Variants in ATAD2B observed in about 807,000 individuals in gnomAD.
The protein encoded by ATAD2B is ATPase family AAA domain containing 2B, also known as ATPase family AAA domain-containing protein 2B.
In ATAD2B, 40 loss-of-function variants were observed where a neutral mutation model predicts 167.6. The ratio of observed to expected loss-of-function variants is 0.24; its 90% confidence interval spans 0.19 to 0.31. The LOEUF is 0.31. Ranked by LOEUF, ATAD2B falls within the 10% of genes least tolerant of loss-of-function variation. The pLI, the probability that ATAD2B is intolerant of heterozygous loss-of-function variation, is 1.00. For missense variants in ATAD2B, 1,242 were observed against 1,757.2 expected (o/e 0.71, Z 5.24); for synonymous variants, 579 against 596.5 (o/e 0.97, Z 0.43).
intron 16 of ATAD2B, 101 bp from the exon 17 acceptor site, chr2:23,819,983 T>G: frequency 1.3e-6 from 1 of 757,946 alleles, no homozygotes; most frequent in Admixed American, 3.2e-5. Flanking sequence ...CAAATGACAT[T>G]AATAAGTTAT....
At chr2:23,922,739 T>C (rs745803212) in intron 1 of ATAD2B, among the ~76,000 whole-genome samples, 1 of 143,226 alleles carries the variant, frequency 7.0e-6, no homozygotes, top group Middle Eastern at 3.9e-3. Context: ...AACAGACACC[T>C]GTCAGGTATA....
the ATAD2B span, chr2:23,691,777 G>A: frequency 1.3e-6 from 2 of 1,551,746 alleles, no homozygotes; most frequent in South Asian, 1.2e-5. Context: ...TGTCTACACG[G>A]GCTCCCTGGT....
the ATAD2B span, among the ~76,000 whole-genome samples, chr2:23,729,960 C>T: frequency 6.6e-6 from 1 of 152,162 alleles, no homozygotes; most frequent in Non-Finnish European, 1.5e-5. Flanking sequence ...TTGGAGATGT[C>T]AACACTCCTC....
intron 13 of ATAD2B, chr2:23,856,420 C>A (rs936763873): frequency 2.6e-6 from 1 of 389,078 alleles, no homozygotes; most frequent in Non-Finnish European, 5.2e-6. Flanking sequence ...CAACCTGTAG[C>A]AGGTTGAGCA....
At chr2:23,753,417 C>T (rs1237795197) in intron 27 of ATAD2B, among the ~76,000 whole-genome samples, 1 of 152,056 alleles carries the variant, frequency 6.6e-6, no homozygotes, top group Admixed American at 6.6e-5. Context: ...AATAGATAGA[C>T]CACCAGATAA....
chr2:23,693,233 GC>G, the ATAD2B span: 1 of 1,521,682 alleles, frequency 6.6e-7, no homozygotes, highest in Non-Finnish European at 8.9e-7. Flanking sequence ...TGCTTCCCGG[GC>G]CTTTGGGTCA....
intron 1 of ATAD2B, among the ~76,000 whole-genome samples, chr2:23,899,918 C>CTTTTTTTTTT (rs34685891): frequency 3.6e-5 from 3 of 83,604 alleles, no homozygotes; most frequent in Non-Finnish European, 4.5e-5. Context: ...AGTTTTCTTA[C>CTTTTTTTTTT]TTTTTTTTTT....
intron 1 of ATAD2B, among the ~76,000 whole-genome samples, chr2:23,900,038 C>T (rs1700628092): frequency 6.7e-6 from 1 of 149,554 alleles, no homozygotes; most frequent in Admixed American, 6.7e-5. Context: ...CTGCCTCAGC[C>T]TCCCAAGTAG....
At chr2:23,885,072 T>C (rs1441443630) in intron 5 of ATAD2B, among the ~76,000 whole-genome samples, 199 bp from the exon 6 acceptor site, 2 of 152,090 alleles carry the variant, frequency 1.3e-5, no homozygotes, top group East Asian at 3.8e-4. Context: ...CTTATAAAAA[T>C]GTAAAACACA....
intron 13 of ATAD2B, among the ~76,000 whole-genome samples, chr2:23,841,342 T>G (rs1295452369): frequency 2.0e-5 from 3 of 152,194 alleles, no homozygotes; most frequent in Non-Finnish European, 4.4e-5. Context: ...TTGTCTAAAA[T>G]TAATGTAGCA....
In ATAD2B at chr2:23,915,614, A is replaced by G. The variant is rs1304022868; in HGVS notation, c.216+10941T>C. Among the ~76,000 whole-genome samples the G allele has an allele frequency of 1.5e-4, 3 of 20,198 alleles. 1 individual carries two copies. The highest frequency in any genetic ancestry group is 1.8e-4 in the Non-Finnish European group (2 of 11,156). The allele number at this position is 20,198 out of a possible 152,430, so 13.3% of individuals were successfully genotyped here. On this transcript the variant is annotated intron_variant, in intron 1 of 27. Transcript: ENST00000238789. ...TTTTTTTTTTTTTTTTTTTTTTTTG[A>G]GACAGTCTTGCTCTGTCGCCAGGCT...
chr2:23,822,189 A>G (rs959164816), intron 16 of ATAD2B, among the ~76,000 whole-genome samples: 4 of 152,344 alleles, frequency 2.6e-5, no homozygotes, highest in Middle Eastern at 6.8e-3. Flanking sequence ...GGCTGTCATC[A>G]GGCTCCCTGG....
chr2:23,914,393 T>C (rs1702724720), intron 1 of ATAD2B, among the ~76,000 whole-genome samples: 1 of 151,694 alleles, frequency 6.6e-6, no homozygotes, highest in Non-Finnish European at 1.5e-5. Context: ...CAGTAGAAAA[T>C]AGCAAAATGG....
the ATAD2B span, chr2:23,703,578 GC>G: frequency 8.6e-7 from 1 of 1,167,544 alleles, no homozygotes; most frequent in Non-Finnish European, 1.2e-6. Context: ...GTTCCCCTAG[GC>G]CCCGGACCCA....
intron 13 of ATAD2B, among the ~76,000 whole-genome samples, chr2:23,841,640 C>T (rs781375795): frequency 6.6e-6 from 1 of 151,968 alleles, no homozygotes; most frequent in Non-Finnish European, 1.5e-5. Context: ...CTCAGCCTCC[C>T]GAGTAGGTGG....
the ATAD2B span, among the ~76,000 whole-genome samples, chr2:23,704,992 C>A: frequency 6.6e-6 from 1 of 152,250 alleles, no homozygotes; most frequent in Admixed American, 6.5e-5. Flanking sequence ...TGAGGAAGTT[C>A]TATCTGTGAA....
At position 23,798,916 on chromosome 2, in the gene ATAD2B, G is replaced by A. The variant is rs113602438; in HGVS notation, c.2455-593C>T. 1.6e-3 allele frequency among the ~76,000 whole-genome samples: 248 copies of A among 152,228 alleles called. 2 individuals are homozygous for A. Among genetic ancestry groups the A allele is most frequent in the African/African-American group, 5.7e-3 (237 of 41,534 alleles). Reference sequence around the variant, plus strand: ...CAAAATACTCTAACTTATCTAAAGAGCAAATGATAGCAAAGAGCTCTGCGA... The same window carrying A: ...CAAAATACTCTAACTTATCTAAAGAACAAATGATAGCAAAGAGCTCTGCGA... On this transcript the variant is annotated intron_variant, in intron 18 of 27. Transcript: ENST00000238789.
At chr2:23,680,664 T>TGGGGTCTCTAGGCCATCTTCC in the ATAD2B span, among the ~76,000 whole-genome samples, 6 of 148,392 alleles carry the variant, frequency 4.0e-5, no homozygotes, top group African/African-American at 1.5e-4. This position sits in a 1 kb window ranked among gnomAD's most constrained non-coding sequence, Gnocchi z 4.1. Flanking sequence ...GGCCATCTTC[T>TGGGGTCTCTAGGCCATCTTCC]CCTGGGCTCT....
the ATAD2B span, among the ~76,000 whole-genome samples, chr2:23,679,611 G>GAT: frequency 9.1e-5 from 13 of 142,338 alleles, no homozygotes; most frequent in African/African-American, 2.0e-4. Context: ...CATCACACCA[G>GAT]ATATATATAT....
Sources: gnomAD v4.1 joint callset for allele counts (sites outside exome capture counted in the v4.1 genomes callset) on GRCh38, gnomAD v4.1.1 for gene constraint, Gnocchi (gnomAD v3.1) non-coding constraint, MANE v1.5 for transcripts, NCBI Gene and HGNC (gene_info 2026-07-23, HGNC 2026-07-21) for gene names.